The following ANK2 variants were observed in gnomAD, a reference collection of about 807,000 sequenced individuals.
ANK2 encodes the protein ankyrin 2.
ANK2 carries 83 observed loss-of-function variants against 360.5 expected under a neutral mutation model. That is an observed-to-expected ratio of 0.23 (90% CI 0.19 to 0.28). ANK2 has a LOEUF of 0.28. Among genes scored for constraint, ANK2 ranks in the 10% least tolerant of loss-of-function variants. The pLI, the probability that ANK2 is intolerant of heterozygous loss-of-function variation, is 1.00. For missense variants in ANK2, 4,201 were observed against 4,795.7 expected (o/e 0.88, Z 3.66); for synonymous variants, 1,740 against 1,759.5 (o/e 0.99, Z 0.28).
chr4:113,148,618 T>C (rs1162779314), intron 1 of ANK2, among the ~76,000 whole-genome samples: 1 of 152,194 alleles, frequency 6.6e-6, no homozygotes, highest in Non-Finnish European at 1.5e-5. Context: ...GCTAGCTGAC[T>C]CAAAAGGTAA....
chr4:113,205,029 A>T (rs1478899124), intron 4 of ANK2, among the ~76,000 whole-genome samples: 2 of 151,990 alleles, frequency 1.3e-5, no homozygotes, highest in Admixed American at 1.3e-4. Context: ...AGGTCAGGAG[A>T]TCGAGACCAT....
At chr4:113,091,706 G>A (rs1304113760) in intron 1 of ANK2, among the ~76,000 whole-genome samples, 1 of 152,164 alleles carries the variant, frequency 6.6e-6, no homozygotes, top group Admixed American at 6.5e-5. Context: ...GCATGGATAG[G>A]GGATTAAATT....
intron 1 of ANK2, among the ~76,000 whole-genome samples, chr4:113,083,381 G>C (rs1339121580): frequency 2.0e-5 from 3 of 152,044 alleles, no homozygotes; most frequent in Non-Finnish European, 4.4e-5. Flanking sequence ...GGAGGGTCTT[G>C]CTATGTTGGT....
At chr4:112,832,207 A>C (rs1016895594) in intron 1 of ANK2, among the ~76,000 whole-genome samples, 3 of 152,154 alleles carry the variant, frequency 2.0e-5, no homozygotes, top group Non-Finnish European at 4.4e-5. Flanking sequence ...GTGAGCCACC[A>C]ACACCAGGCT....
At chr4:113,119,494 A>G (rs979211083) in intron 1 of ANK2, among the ~76,000 whole-genome samples, 6 of 152,064 alleles carry the variant, frequency 3.9e-5, no homozygotes, top group African/African-American at 1.2e-4. Flanking sequence ...TAAGGTGTAC[A>G]TACCTTCATG....
chr4:113,360,641 A>G (rs1483510153), intron 38 of ANK2, among the ~76,000 whole-genome samples, 182 bp from the exon 39 acceptor site: 2 of 152,172 alleles, frequency 1.3e-5, no homozygotes, highest in African/African-American at 4.8e-5. Context: ...TTCATGATTC[A>G]TATTAGATCT....
intron 24 of ANK2, among the ~76,000 whole-genome samples, chr4:113,316,121 G>A (rs2082841866): frequency 6.6e-6 from 1 of 152,104 alleles, no homozygotes; most frequent in South Asian, 2.1e-4. Flanking sequence ...GCCTCCAATT[G>A]CTGGAGCTAA....
At chr4:113,365,421 C>T (rs1479799538) in intron 41 of ANK2, among the ~76,000 whole-genome samples, 2 of 152,050 alleles carry the variant, frequency 1.3e-5, no homozygotes, top group Non-Finnish European at 2.9e-5. Context: ...CAAAATGATC[C>T]ATTGAATTCC....
intron 43 of ANK2, among the ~76,000 whole-genome samples, chr4:113,372,180 AC>A (rs1408151005): frequency 2.0e-5 from 3 of 152,130 alleles, no homozygotes; most frequent in African/African-American, 7.2e-5. Context: ...TGTTTACTGA[AC>A]TGCTTAGGGT....
chr4:113,264,690 C>T (rs2054920848), intron 13 of ANK2, among the ~76,000 whole-genome samples: 1 of 149,426 alleles, frequency 6.7e-6, no homozygotes, highest in African/African-American at 2.5e-5. Context: ...CCATTGCACT[C>T]CAGCCTGAGC....
intron 4 of ANK2, among the ~76,000 whole-genome samples, chr4:113,206,332 G>T (rs2098947922): frequency 6.6e-6 from 1 of 152,154 alleles, no homozygotes; most frequent in African/African-American, 2.4e-5. Flanking sequence ...TTATAAGTGG[G>T]AACATATGTT....
chr4:113,025,181 T>C (rs1233592314), intron 2 of ANK2, among the ~76,000 whole-genome samples: 1 of 152,144 alleles, frequency 6.6e-6, no homozygotes, highest in Admixed American at 6.5e-5. Context: ...TCCTTAAACA[T>C]AACAGCAGTG....
the ANK2 span, among the ~76,000 whole-genome samples, chr4:112,764,730 G>A: frequency 4.2e-5 from 6 of 143,116 alleles, no homozygotes; most frequent in Non-Finnish European, 9.1e-5. Flanking sequence ...TTTTTGAGAC[G>A]GAGTTTCATT....
chr4:113,256,096 A>G (rs1296347832), intron 11 of ANK2, among the ~76,000 whole-genome samples, 164 bp downstream of exon 11: 1 of 152,250 alleles, frequency 6.6e-6, no homozygotes, highest in African/African-American at 2.4e-5. Flanking sequence ...ATACATTCAT[A>G]GTTTGTTAGC....
chr4:112,892,867 C>A (rs905605044), intron 1 of ANK2, among the ~76,000 whole-genome samples: 1 of 152,214 alleles, frequency 6.6e-6, no homozygotes, highest in South Asian at 2.1e-4. Flanking sequence ...ACCAATCGAA[C>A]TCCAAGTATT....
intron 2 of ANK2, among the ~76,000 whole-genome samples, chr4:113,044,483 A>G (rs563692222): frequency 2.0e-5 from 3 of 152,314 alleles, no homozygotes; most frequent in Admixed American, 2.0e-4. Context: ...ATATAACTGT[A>G]CTAGTTTCCT....
intron 9 of ANK2, among the ~76,000 whole-genome samples, chr4:113,245,319 CT>C (rs1181625142): frequency 6.6e-6 from 1 of 152,112 alleles, no homozygotes; most frequent in East Asian, 1.9e-4. Context: ...TTTGCTTTTT[CT>C]TTTGCTTTTG....
chr4:112,928,574 T>G (rs1581321477), intron 2 of ANK2, among the ~76,000 whole-genome samples: 1 of 152,010 alleles, frequency 6.6e-6, no homozygotes, highest in Non-Finnish European at 1.5e-5. Context: ...ATAAAGGGGG[T>G]GATTAATTTA....
At chr4:113,205,183 CCGA>C (rs1311595844) in intron 4 of ANK2, among the ~76,000 whole-genome samples, 1 of 134,240 alleles carries the variant, frequency 7.4e-6, no homozygotes, top group East Asian at 2.3e-4. Context: ...TTGCAGTGAG[CCGA>C]CATCACGCCA....
Sources: gnomAD v4.1 joint callset for allele counts (sites outside exome capture counted in the v4.1 genomes callset) on GRCh38, gnomAD v4.1.1 for gene constraint, MANE v1.5 for transcripts, NCBI Gene and HGNC (gene_info 2026-07-23, HGNC 2026-07-21) for gene names.